Variants in CFI observed in about 807,000 individuals in gnomAD.
The protein encoded by CFI is C3B/C4B inactivator.
A neutral mutation model predicts 78.8 loss-of-function variants in CFI; 66 were observed. The observed-to-expected ratio is 0.84, with a 90% CI of 0.69 to 1.03. The LOEUF (loss-of-function observed/expected upper bound fraction) is 1.03, where lower values mean the gene tolerates loss of function less well. Among genes scored for constraint, CFI ranks in the 50% least tolerant of loss-of-function variants. The pLI, the probability that CFI is intolerant of heterozygous loss-of-function variation, is 0.00. For missense variants in CFI, 706 were observed against 704.5 expected (o/e 1.00, Z -0.02); for synonymous variants, 250 against 232.6 (o/e 1.07, Z -0.68).
intron 1 of CFI, among the ~76,000 whole-genome samples, chr4:109,768,993 T>G (rs1262727050): frequency 6.6e-6 from 1 of 151,842 alleles, no homozygotes; most frequent in Non-Finnish European, 1.5e-5. Context: ...TTTTCATGGT[T>G]CCACGTATCT....
At chr4:109,770,586 G>A (rs541420848) in intron 1 of CFI, among the ~76,000 whole-genome samples, 12 of 137,798 alleles carry the variant, frequency 8.7e-5, no homozygotes, top group South Asian at 2.3e-4. Context: ...AAAAGAAACC[G>A]CTTTACTGGT....
At chr4:109,785,082 C>G (rs191872510) in intron 1 of CFI, among the ~76,000 whole-genome samples, 3 of 152,054 alleles carry the variant, frequency 2.0e-5, no homozygotes, top group African/African-American at 4.8e-5. Context: ...AGATCCACCC[C>G]CTGCCCACAA....
chr4:109,761,248 T>C (rs1181688239), intron 4 of CFI, among the ~76,000 whole-genome samples: 1 of 152,172 alleles, frequency 6.6e-6, no homozygotes, highest in African/African-American at 2.4e-5. Context: ...TTTGCTACAG[T>C]AACTTTAATC....
chr4:109,801,118 A>G (rs754535361), intron 1 of CFI, among the ~76,000 whole-genome samples: 9 of 152,250 alleles, frequency 5.9e-5, no homozygotes, highest in Non-Finnish European at 1.3e-4. Flanking sequence ...AATATTTTAA[A>G]CATTTTTCAC....
intron 1 of CFI, among the ~76,000 whole-genome samples, chr4:109,792,573 A>C (rs866150728): frequency 6.6e-6 from 1 of 152,084 alleles, no homozygotes; most frequent in South Asian, 2.1e-4. Context: ...AAACAAAAAC[A>C]AAAACAAACC....
Position 109,760,256 on chromosome 4 carries a change from A to G in CFI, c.883+14T>C, listed in dbSNP as rs1726870798. ...TCAATAATGAAAAAAAGTCACCCCA[A>G]GTCTTTCAATTACCTGCACAGCCAA... On this transcript the variant is annotated intron_variant, in intron 6 of 12. Transcript: ENST00000394634. 1.3e-6 allele frequency: 2 copies of G among 1,587,508 alleles called. No individual in the cohort carries two copies. Among genetic ancestry groups the G allele is most frequent in the Admixed American group, 1.7e-5 (1 of 59,966 alleles).
intron 1 of CFI, chr4:109,794,368 GAC>G (rs1299601605): frequency 2.0e-5 from 3 of 151,994 alleles, no homozygotes; most frequent in Non-Finnish European, 4.4e-5. Flanking sequence ...TAATTAAATG[GAC>G]TGATCTTCAA....
At chr4:109,770,385 C>T (rs1275395498) in intron 1 of CFI, among the ~76,000 whole-genome samples, 1 of 151,738 alleles carries the variant, frequency 6.6e-6, no homozygotes, top group African/African-American at 2.4e-5. Context: ...CATGGCAAAA[C>T]CCCATCTCTA....
At chr4:109,780,191 C>T (rs887029119) in intron 1 of CFI, among the ~76,000 whole-genome samples, 8 of 152,126 alleles carry the variant, frequency 5.3e-5, no homozygotes, top group Non-Finnish European at 8.8e-5. Context: ...AAAGAAACTA[C>T]CATCAGAGTG....
chr4:109,740,143 T>C (rs998858064), downstream of CFI, among the ~76,000 whole-genome samples: 1 of 151,880 alleles, frequency 6.6e-6, no homozygotes, highest in African/African-American at 2.4e-5. Context: ...AATTTAAAAT[T>C]AGCTAGGCAT....
rs779040338 is a variant in CFI at position 109,740,740 on chromosome 4, C to A, written c.*153G>T. On this transcript the variant is annotated 3_prime_UTR_variant, in exon 13 of 13. Coordinates refer to ENST00000394634, the MANE Select transcript of CFI (RefSeq NM_000204.5). ...ATTTGAGAATTATACAACAAAATTC[C>A]AATATGGCATAAACTCTGTGGAGAC... 2.6e-6 allele frequency: 2 copies of A among 756,584 alleles called. No homozygotes were observed. The highest frequency in any genetic ancestry group is 3.1e-5 in the South Asian group (2 of 65,362). The allele number at this position is 756,584 out of a possible 1,614,324, so 46.9% of individuals were successfully genotyped here. A position where few individuals can be genotyped will look rare whatever the true frequency, so the allele number is the denominator to read the frequency against.
chr4:109,781,979 T>A (rs1730101930), intron 1 of CFI, among the ~76,000 whole-genome samples: 1 of 152,054 alleles, frequency 6.6e-6, no homozygotes, highest in South Asian at 2.1e-4. Context: ...ATTAAAACTC[T>A]CAGCAAAATC....
chr4:109,790,801 G>C (rs1731279745), intron 1 of CFI, among the ~76,000 whole-genome samples: 1 of 152,114 alleles, frequency 6.6e-6, no homozygotes, highest in Non-Finnish European at 1.5e-5. Context: ...GGACTGAGTA[G>C]TACTCCATGG....
At chr4:109,751,223 G>A (rs1032495068) in intron 8 of CFI, among the ~76,000 whole-genome samples, 1 of 151,786 alleles carries the variant, frequency 6.6e-6, no homozygotes, top group African/African-American at 2.4e-5. Flanking sequence ...ATAGAAGATG[G>A]TTTTTTTTGG....
chr4:109,795,188 G>A (rs1232668075), intron 1 of CFI, among the ~76,000 whole-genome samples: 3 of 152,170 alleles, frequency 2.0e-5, no homozygotes, highest in Non-Finnish European at 1.5e-5. Context: ...CCTGGGCACT[G>A]GCATCAAGAC....
downstream of CFI, among the ~76,000 whole-genome samples, chr4:109,739,706 T>C (rs541297706): frequency 5.3e-5 from 8 of 152,234 alleles, no homozygotes; most frequent in African/African-American, 1.9e-4. Context: ...AGATCCAGAT[T>C]TGTGAGTCAC....
chr4:109,801,797 G>A, intron 1 of CFI, 118 bp downstream of exon 1: 1 of 683,782 alleles, frequency 1.5e-6, no homozygotes, highest in Non-Finnish European at 2.5e-6. Context: ...GAGTGGCATT[G>A]TTGTAACTGA....
In CFI at chr4:109,760,370, G is replaced by C; in HGVS notation, c.783C>G (p.Gly261=). 6.2e-7 allele frequency: 1 copy of C among 1,613,352 alleles called. No individual in the cohort carries two copies. Among genetic ancestry groups the C allele is most frequent in the Non-Finnish European group, 8.5e-7 (1 of 1,179,298 alleles). The change falls in exon 6 of 13, where the codon GGC becomes GGG. Residue 261 remains glycine, a synonymous_variant. Transcript: ENST00000394634. ...CACCCGATTTGCAATGGAAGCCTTTGCCTTGGCATGCTGTGCAAACATAAG... is the reference window on the plus strand; with the variant it reads ...CACCCGATTTGCAATGGAAGCCTTTCCCTTGGCATGCTGTGCAAACATAAG... The part of the protein sequence containing the change: ...SDELCCKACQ[G]KGFHCKSGVC...
intron 1 of CFI, among the ~76,000 whole-genome samples, chr4:109,789,605 C>A (rs1396967371): frequency 6.6e-6 from 1 of 151,978 alleles, no homozygotes; most frequent in Non-Finnish European, 1.5e-5. Context: ...AAAGAACAAC[C>A]TTTTTAGACA....
Sources: gnomAD v4.1 joint callset for allele counts (sites outside exome capture counted in the v4.1 genomes callset) on GRCh38, gnomAD v4.1.1 for gene constraint, MANE v1.5 for transcripts, NCBI Gene and HGNC (gene_info 2026-07-23, HGNC 2026-07-21) for gene names.